DCDC2C: variants seen among roughly 807,000 people sequenced by gnomAD.
The protein encoded by DCDC2C is doublecortin domain-containing protein 2C.
Under a neutral mutation model 45.0 loss-of-function variants are expected in DCDC2C, and 44 were observed. The ratio of observed to expected loss-of-function variants is 0.98; its 90% confidence interval spans 0.77 to 1.26. The LOEUF (loss-of-function observed/expected upper bound fraction) is 1.26, where lower values mean the gene tolerates loss of function less well. DCDC2C is among the 50% of genes most tolerant of loss of function. The pLI is 0.00. For missense variants in DCDC2C, 447 were observed against 468.9 expected, an observed-to-expected ratio of 0.95 and a Z score of 0.43; for synonymous variants, 187 against 178.8, an observed-to-expected ratio of 1.05 and a Z score of -0.37.
In DCDC2C at chr2:3,761,318, C is replaced by T. The variant is rs551639423; in HGVS notation, c.727-6436C>T. Among the ~76,000 whole-genome samples, 6 of 152,222 alleles carry T rather than the reference C, an allele frequency of 3.9e-5. No homozygotes were observed. Among genetic ancestry groups the T allele is most frequent in the African/African-American group, 1.4e-4 (6 of 41,512 alleles). Reference sequence around the variant, plus strand: ...ATTAAATTCTTCTGGGCATAGAGCACAAGTGTTCGTAGTGAACGGTAATGA... The same window carrying T: ...ATTAAATTCTTCTGGGCATAGAGCATAAGTGTTCGTAGTGAACGGTAATGA... On this transcript the variant is annotated intron_variant, in intron 6 of 10. Transcript: ENST00000399143. This position sits in a 1 kb window ranked among gnomAD's most constrained non-coding sequence, Gnocchi z 4.3.
At chr2:3,710,700 G>A (rs772915481) in intron 2 of DCDC2C, among the ~76,000 whole-genome samples, 1 of 152,168 alleles carries the variant, frequency 6.6e-6, no homozygotes, top group Non-Finnish European at 1.5e-5. Context: ...AGTACCTACT[G>A]TTTAGTTCCC....
At chr2:3,725,206 A>G (rs1668607862) in intron 2 of DCDC2C, among the ~76,000 whole-genome samples, 1 of 152,088 alleles carries the variant, frequency 6.6e-6, no homozygotes, top group African/African-American at 2.4e-5. Context: ...GGCGGGGGCG[A>G]TGATCGATTC....
intron 10 of DCDC2C, among the ~76,000 whole-genome samples, chr2:3,828,779 C>T (rs1572646244): frequency 6.6e-6 from 1 of 152,132 alleles, no homozygotes; most frequent in Non-Finnish European, 1.5e-5. Context: ...CTTGCAACAC[C>T]TTGTTTCCGA....
At chr2:3,846,223 C>T (rs1022974209) in intron 10 of DCDC2C, among the ~76,000 whole-genome samples, 5 of 151,578 alleles carry the variant, frequency 3.3e-5, no homozygotes, top group African/African-American at 1.2e-4. Flanking sequence ...GTTCTTCCCT[C>T]TTCTTCTCTC....
At chr2:3,804,070 C>T (rs1358657816) in intron 10 of DCDC2C, among the ~76,000 whole-genome samples, 2 of 152,180 alleles carry the variant, frequency 1.3e-5, no homozygotes, top group Admixed American at 6.5e-5. Context: ...TATGTGTTTA[C>T]AATTTATTCA....
At chr2:3,753,351 C>T (rs12997755) in intron 5 of DCDC2C, among the ~76,000 whole-genome samples, 14 of 152,322 alleles carry the variant, frequency 9.2e-5, no homozygotes, top group South Asian at 4.1e-4. Context: ...CTGGGCATGG[C>T]TATGCGGGTG....
chr2:3,788,442 CCAAGCA>C (rs1670711589), intron 10 of DCDC2C: 1 of 152,092 alleles, frequency 6.6e-6, no homozygotes, highest in Non-Finnish European at 1.5e-5. Flanking sequence ...CTTCTGACAG[CCAAGCA>C]GCACGACAGG....
chr2:3,828,966 G>A (rs1671890057), intron 10 of DCDC2C, among the ~76,000 whole-genome samples: 1 of 152,094 alleles, frequency 6.6e-6, no homozygotes, highest in Non-Finnish European at 1.5e-5. Flanking sequence ...TTGAGAATTA[G>A]GAAGCGGAGG....
At chr2:3,753,884 G>A (rs1669613036) in intron 5 of DCDC2C, among the ~76,000 whole-genome samples, 1 of 152,154 alleles carries the variant, frequency 6.6e-6, no homozygotes, top group South Asian at 2.1e-4. Context: ...AGATGGTTAG[G>A]TTAGAGTCCC....
At chr2:3,753,194 A>C (rs984834153) in intron 5 of DCDC2C, among the ~76,000 whole-genome samples, 1 of 152,214 alleles carries the variant, frequency 6.6e-6, no homozygotes, top group Non-Finnish European at 1.5e-5. Flanking sequence ...TTCAGAGCTG[A>C]TTCTAGGCAC....
At chr2:3,768,147 T>G (rs1670065443) in intron 7 of DCDC2C, among the ~76,000 whole-genome samples, 1 of 152,190 alleles carries the variant, frequency 6.6e-6, no homozygotes, top group South Asian at 2.1e-4. Context: ...ACACCAGGAC[T>G]GAGTATCTTC....
At chr2:3,710,339 C>G (rs1232587751) in intron 2 of DCDC2C, among the ~76,000 whole-genome samples, 1 of 152,164 alleles carries the variant, frequency 6.6e-6, no homozygotes, top group African/African-American at 2.4e-5. Flanking sequence ...GCTACTCTTC[C>G]TGATACTCTC....
chr2:3,719,816 C>T (rs1008046161), intron 2 of DCDC2C, among the ~76,000 whole-genome samples: 4 of 152,230 alleles, frequency 2.6e-5, no homozygotes, highest in South Asian at 2.1e-4. Context: ...GATGCTGTGG[C>T]ATTTTCTCTC....
chr2:3,748,128 C>A (rs1310949452), intron 4 of DCDC2C, among the ~76,000 whole-genome samples: 2 of 152,132 alleles, frequency 1.3e-5, no homozygotes, highest in East Asian at 1.9e-4. Context: ...TGCTTGCAGA[C>A]CTCGCTGAGA....
At position 3,707,352 on chromosome 2, in the gene DCDC2C, C is replaced by G. The variant is rs148099314; in HGVS notation, c.288-1197C>G. Among the ~76,000 whole-genome samples the G allele has an allele frequency of 2.0e-3, 308 of 152,086 alleles. 3 individuals are homozygous for G. Among genetic ancestry groups the G allele is most frequent in the African/African-American group, 7.1e-3 (295 of 41,494 alleles). ...ATGTCTCATTTGGGAGATTAATGTT[C>G]ATAAACAAATATGGAATTTGGGAAT... On this transcript the variant is annotated intron_variant, in intron 1 of 10. Transcript: ENST00000399143.
chr2:3,845,100 C>G (rs949738531), intron 10 of DCDC2C, among the ~76,000 whole-genome samples: 1 of 152,114 alleles, frequency 6.6e-6, no homozygotes, highest in African/African-American at 2.4e-5. Context: ...CGAATGGACT[C>G]TCAACTCAAT....
intron 2 of DCDC2C, among the ~76,000 whole-genome samples, chr2:3,710,130 A>C (rs1262887065): frequency 6.6e-6 from 1 of 152,220 alleles, no homozygotes; most frequent in Admixed American, 6.5e-5. Flanking sequence ...ACTGTGCAGA[A>C]AATCAAAACT....
chr2:3,754,746 GC>G, intron 6 of DCDC2C, 112 bp downstream of exon 6: 1 of 882,356 alleles, frequency 1.1e-6, no homozygotes, highest in Non-Finnish European at 1.7e-6. Flanking sequence ...GAGCATCAGT[GC>G]CAGGGCCTGG....
chr2:3,764,555 T>G (rs1241337086), intron 6 of DCDC2C, among the ~76,000 whole-genome samples: 1 of 152,226 alleles, frequency 6.6e-6, no homozygotes, highest in Non-Finnish European at 1.5e-5. Context: ...CACTGCTTTG[T>G]GGGGAAGGTG....
Sources: gnomAD v4.1 joint callset for allele counts (sites outside exome capture counted in the v4.1 genomes callset) on GRCh38, gnomAD v4.1.1 for gene constraint, Gnocchi (gnomAD v3.1) non-coding constraint, MANE v1.5 for transcripts, NCBI Gene and HGNC (gene_info 2026-07-23, HGNC 2026-07-21) for gene names.